Variants in DHRSX observed in about 807,000 individuals in gnomAD.
DHRSX encodes the protein dehydrogenase/reductase X-linked.
DHRSX carries 31 observed loss-of-function variants against 34.0 expected under a neutral mutation model. The observed-to-expected ratio is 0.91, with a 90% CI of 0.69 to 1.23. DHRSX has a LOEUF of 1.23. Among genes scored for constraint, DHRSX ranks in the 50% most tolerant of loss-of-function variants. DHRSX has a pLI of 0.00. For missense variants in DHRSX, 414 were observed against 428.1 expected (o/e 0.97, Z 0.29); for synonymous variants, 201 against 183.8 (o/e 1.09, Z -0.76).
At chrX:2,474,607 G>C (rs17842872) in intron 1 of DHRSX, among the ~76,000 whole-genome samples, 31,109 of 149,666 alleles carry the variant, frequency 0.21, 4,256 homozygotes, top group African/African-American at 0.4. Flanking sequence ...TTGTGGCTAA[G>C]GGACGGCGGC....
chrX:2,387,320 G>C lies in DHRSX; in HGVS notation c.286+21425C>G, dbSNP rs775972256. ...AAGGAACGGACCCTGTATTGGTCAGGGTTCTCTAGAGGGACAGAACTAACA... is the reference window on the plus strand; with the variant it reads ...AAGGAACGGACCCTGTATTGGTCAGCGTTCTCTAGAGGGACAGAACTAACA... On this transcript the variant is annotated intron_variant, in intron 3 of 6. Transcript: ENST00000334651. Among the ~76,000 whole-genome samples, 261 of 152,200 alleles carry C rather than the reference G, an allele frequency of 1.7e-3. 3 individuals carry two copies. Among genetic ancestry groups the C allele is most frequent in the Middle Eastern group, 6.8e-3 (2 of 292 alleles).
intron 4 of DHRSX, among the ~76,000 whole-genome samples, chrX:2,282,844 G>C (rs1453702213): frequency 7.3e-6 from 1 of 137,762 alleles, no homozygotes; most frequent in Non-Finnish European, 1.6e-5. Context: ...GAGAAAGGGA[G>C]AGAGAGAAGG....
chrX:2,252,728 A>C (rs2016461241), intron 5 of DHRSX, among the ~76,000 whole-genome samples: 1 of 152,208 alleles, frequency 6.6e-6, no homozygotes, highest in African/African-American at 2.4e-5. Context: ...GGAGGTGAAG[A>C]AATGAATCCA....
intron 3 of DHRSX, among the ~76,000 whole-genome samples, chrX:2,342,683 T>C (rs2042655700): frequency 6.6e-6 from 1 of 152,100 alleles, no homozygotes; most frequent in Admixed American, 6.6e-5. Context: ...CAGACTCTCT[T>C]CCATTTATTC....
chrX:2,357,611 G>A (rs2042872129), intron 3 of DHRSX, among the ~76,000 whole-genome samples: 1 of 150,814 alleles, frequency 6.6e-6, no homozygotes, highest in Admixed American at 6.6e-5. Context: ...GAGCTACAGA[G>A]TCCTGAATGA....
At chrX:2,244,176 C>T (rs1343978038) in intron 5 of DHRSX, among the ~76,000 whole-genome samples, 1 of 152,150 alleles carries the variant, frequency 6.6e-6, no homozygotes, top group East Asian at 1.9e-4. Context: ...ACTGCAAGCT[C>T]TGTAGTGTGC....
Position 2,456,075 on chromosome X carries a change from C to T in DHRSX, c.110-30771G>A, listed in dbSNP as rs193206569. Among the ~76,000 whole-genome samples the T allele has an allele frequency of 3.7e-4, 57 of 152,098 alleles. No homozygotes were observed. In the East Asian group the frequency reaches 7.5e-3, roughly 20 times the overall value. On this transcript the variant is annotated intron_variant, in intron 1 of 6. Coordinates refer to ENST00000334651, the MANE Select transcript of DHRSX (RefSeq NM_145177.3). ...TAGCTTTAGCCAGTTTGTTCACAGC[C>T]GTGATTAAGGTGTCCACAGCATCCT...
At chrX:2,353,730 T>C (rs896215280) in intron 3 of DHRSX, among the ~76,000 whole-genome samples, 5 of 148,888 alleles carry the variant, frequency 3.4e-5, no homozygotes, top group African/African-American at 1.3e-4. Flanking sequence ...ACTACAGGCA[T>C]GCACCACCAC....
intron 2 of DHRSX, among the ~76,000 whole-genome samples, chrX:2,416,199 C>T (rs2043691162): frequency 6.6e-6 from 1 of 151,888 alleles, no homozygotes; most frequent in Non-Finnish European, 1.5e-5. Context: ...TATAGCCTAA[C>T]TAAGTCTCAT....
intron 3 of DHRSX, among the ~76,000 whole-genome samples, chrX:2,304,671 T>C (rs371860719): frequency 6.6e-6 from 1 of 152,124 alleles, no homozygotes. Context: ...TCCTTCACTT[T>C]CCACTATGAT....
chrX:2,492,045 C>G (rs1029018994), intron 1 of DHRSX, among the ~76,000 whole-genome samples: 19 of 152,180 alleles, frequency 1.2e-4, no homozygotes, highest in Non-Finnish European at 2.4e-4. Context: ...AATGCACCAC[C>G]CAGGCACGTT....
intron 5 of DHRSX, among the ~76,000 whole-genome samples, chrX:2,252,525 TTTGA>T (rs1675348395): frequency 6.6e-6 from 1 of 152,144 alleles, no homozygotes; most frequent in African/African-American, 2.4e-5. Flanking sequence ...ATCTCCAGCA[TTTGA>T]TTGATGGGTA....
chrX:2,365,588 G>A (rs1423722989), intron 3 of DHRSX, among the ~76,000 whole-genome samples: 1 of 151,858 alleles, frequency 6.6e-6, no homozygotes, highest in African/African-American at 2.4e-5. Context: ...TTTACCTTGG[G>A]GCTACCAAGC....
chrX:2,464,850 C>A (rs1200348202), intron 1 of DHRSX, among the ~76,000 whole-genome samples: 1 of 151,934 alleles, frequency 6.6e-6, no homozygotes. Context: ...CCACCATGTA[C>A]ACACTGAAGA....
At chrX:2,224,784 G>A (rs961328391) in intron 6 of DHRSX, among the ~76,000 whole-genome samples, 8 of 151,644 alleles carry the variant, frequency 5.3e-5, no homozygotes, top group Admixed American at 1.3e-4. Flanking sequence ...TCATTCACAT[G>A]CACACATGCT....
chrX:2,416,265 T>A (rs773981240), intron 2 of DHRSX, among the ~76,000 whole-genome samples: 1 of 151,224 alleles, frequency 6.6e-6, no homozygotes, highest in South Asian at 2.1e-4. Context: ...CTCATCAGGA[T>A]CTAATACAAC....
chrX:2,493,830 G>A (rs1180410910), intron 1 of DHRSX, among the ~76,000 whole-genome samples: 10 of 152,062 alleles, frequency 6.6e-5, no homozygotes, highest in African/African-American at 2.2e-4. Context: ...TTAGCCGGGC[G>A]TGGTAGTGGC....
intron 1 of DHRSX, among the ~76,000 whole-genome samples, chrX:2,438,961 A>T (rs949156294): frequency 1.3e-5 from 2 of 151,930 alleles, no homozygotes; most frequent in Non-Finnish European, 2.9e-5. Context: ...CCTGGCCAAC[A>T]TGGTAAAACC....
intron 3 of DHRSX, among the ~76,000 whole-genome samples, chrX:2,355,830 T>G: frequency 6.6e-6 from 1 of 150,518 alleles, no homozygotes. Context: ...CTTTGGGAGG[T>G]TGAGGTGGGC....
Sources: gnomAD v4.1 joint callset for allele counts (sites outside exome capture counted in the v4.1 genomes callset) on GRCh38, gnomAD v4.1.1 for gene constraint, MANE v1.5 for transcripts, NCBI Gene and HGNC (gene_info 2026-07-23, HGNC 2026-07-21) for gene names.